DCC: variants seen among roughly 807,000 people sequenced by gnomAD.
DCC encodes the protein DCC netrin 1 receptor.
In DCC, 58 loss-of-function variants were observed where a neutral mutation model predicts 172.5. That is an observed-to-expected ratio of 0.34 (90% CI 0.27 to 0.42). The LOEUF is 0.42. Ranked by LOEUF, DCC falls within the 10% of genes least tolerant of loss-of-function variation. The probability of loss-of-function intolerance (pLI) is 1.00; values close to 1 mark genes in which losing one functional copy is unlikely to be tolerated. For synonymous variants in DCC, 709 were observed against 644.5 expected (o/e 1.10, Z -1.52); for missense variants, 1,740 against 1,791.0 (o/e 0.97, Z 0.51).
At chr18:52,990,096 G>A (rs929812658) in intron 5 of DCC, among the ~76,000 whole-genome samples, 2 of 152,164 alleles carry the variant, frequency 1.3e-5, no homozygotes, top group Non-Finnish European at 2.9e-5. Context: ...CAAAATTAAA[G>A]CTGAGATGTT....
chr18:53,421,199 C>T (rs1910628891), intron 21 of DCC, among the ~76,000 whole-genome samples: 1 of 152,140 alleles, frequency 6.6e-6, no homozygotes, highest in Non-Finnish European at 1.5e-5. Flanking sequence ...AAATATTGTT[C>T]TCCACTTTGA....
intron 7 of DCC, among the ~76,000 whole-genome samples, chr18:53,149,895 T>C (rs2043973046): frequency 6.6e-6 from 1 of 152,222 alleles, no homozygotes; most frequent in African/African-American, 2.4e-5. Flanking sequence ...TGTATGATTC[T>C]GGGATAAGAA....
chr18:52,412,346 AAT>A (rs1986872553), intron 1 of DCC, among the ~76,000 whole-genome samples: 1 of 152,152 alleles, frequency 6.6e-6, no homozygotes. Flanking sequence ...ATATGAGGTA[AAT>A]AAGACATATT....
At chr18:52,696,642 A>G (rs754359103) in intron 1 of DCC, among the ~76,000 whole-genome samples, 3 of 152,180 alleles carry the variant, frequency 2.0e-5, no homozygotes, top group African/African-American at 7.2e-5. Flanking sequence ...GAGCTCACAA[A>G]TGTTCTAAGA....
At chr18:52,924,541 A>G (rs1481433629) in intron 4 of DCC, among the ~76,000 whole-genome samples, 3 of 152,054 alleles carry the variant, frequency 2.0e-5, no homozygotes, top group South Asian at 4.1e-4. Context: ...TAGAAAATAA[A>G]CTCTCAATAG....
At chr18:53,221,764 T>C (rs1440415582) in intron 12 of DCC, among the ~76,000 whole-genome samples, 1 of 152,172 alleles carries the variant, frequency 6.6e-6, no homozygotes, top group African/African-American at 2.4e-5. Context: ...CCCTTTCTTA[T>C]AGAGAAATGA....
At chr18:52,843,769 T>C (rs552798296) in intron 2 of DCC, among the ~76,000 whole-genome samples, 1 of 152,302 alleles carries the variant, frequency 6.6e-6, no homozygotes, top group South Asian at 2.1e-4. Flanking sequence ...CTGCTTATGA[T>C]GCCAAATTTA....
intron 1 of DCC, among the ~76,000 whole-genome samples, chr18:52,709,581 A>G (rs1003418603): frequency 3.9e-5 from 6 of 152,168 alleles, no homozygotes; most frequent in Admixed American, 3.9e-4. Context: ...ATTTAATTCC[A>G]GTGGTGGGGA....
At chr18:52,890,155 G>A (rs937307290) in intron 2 of DCC, among the ~76,000 whole-genome samples, 2 of 152,126 alleles carry the variant, frequency 1.3e-5, no homozygotes, top group African/African-American at 2.4e-5. Flanking sequence ...AGGAGTTTGA[G>A]TTAAATTCCG....
intron 1 of DCC, among the ~76,000 whole-genome samples, chr18:52,700,246 TCACA>T (rs1229887638): frequency 4.9e-5 from 6 of 122,768 alleles, no homozygotes; most frequent in African/African-American, 9.9e-5. Flanking sequence ...ACATGCACAC[TCACA>T]CACGCACATC....
intron 8 of DCC, among the ~76,000 whole-genome samples, chr18:53,162,128 G>A (rs969779575): frequency 2.0e-5 from 3 of 151,998 alleles, no homozygotes; most frequent in Admixed American, 6.6e-5. Flanking sequence ...ATGAAACCCC[G>A]TTTCCACTAA....
chr18:52,355,959 A>G (rs1263339482), intron 1 of DCC, among the ~76,000 whole-genome samples: 2 of 152,132 alleles, frequency 1.3e-5, no homozygotes, highest in Non-Finnish European at 2.9e-5. Flanking sequence ...CTGGAAGACA[A>G]AAAAGAAAAA....
intron 21 of DCC, among the ~76,000 whole-genome samples, chr18:53,433,150 A>G (rs1911729013): frequency 6.6e-6 from 1 of 152,134 alleles, no homozygotes; most frequent in Admixed American, 6.6e-5. Context: ...CTTGTTATTT[A>G]GAAACATTTC....
intron 14 of DCC, among the ~76,000 whole-genome samples, chr18:53,330,516 G>C (rs1235736625): frequency 1.3e-5 from 2 of 152,120 alleles, no homozygotes; most frequent in Non-Finnish European, 2.9e-5. Context: ...CTGGATACCT[G>C]TTTGCTCTCC....
intron 5 of DCC, among the ~76,000 whole-genome samples, chr18:52,952,988 ACT>A (rs2040678143): frequency 9.3e-6 from 1 of 107,648 alleles, no homozygotes; most frequent in Non-Finnish European, 1.8e-5. Flanking sequence ...CCACAGTAAG[ACT>A]CTCCTGTCTC....
intron 3 of DCC, among the ~76,000 whole-genome samples, chr18:52,915,407 G>A (rs2040026063): frequency 1.3e-5 from 2 of 152,074 alleles, no homozygotes; most frequent in Admixed American, 1.3e-4. Context: ...AGACATTTGG[G>A]AAAATCTGTG....
At chr18:52,882,599 G>C (rs916620848) in intron 2 of DCC, among the ~76,000 whole-genome samples, 1 of 151,744 alleles carries the variant, frequency 6.6e-6, no homozygotes, top group Non-Finnish European at 1.5e-5. Context: ...TTGATTTCTA[G>C]TTTGATTACA....
chr18:53,425,809 A>C (rs1480235977), intron 21 of DCC, among the ~76,000 whole-genome samples: 1 of 152,130 alleles, frequency 6.6e-6, no homozygotes, highest in African/African-American at 2.4e-5. Flanking sequence ...GGGGTTAGTA[A>C]TGTCTGCCTC....
At chr18:53,423,677 T>C (rs1197347338) in intron 21 of DCC, among the ~76,000 whole-genome samples, 1 of 152,204 alleles carries the variant, frequency 6.6e-6, no homozygotes, top group Non-Finnish European at 1.5e-5. Context: ...ATAACACCCA[T>C]CCTATTTTTA....
Sources: gnomAD v4.1 joint callset for allele counts (sites outside exome capture counted in the v4.1 genomes callset) on GRCh38, gnomAD v4.1.1 for gene constraint, MANE v1.5 for transcripts, NCBI Gene and HGNC (gene_info 2026-07-23, HGNC 2026-07-21) for gene names.